Variants in ROGDI observed in about 807,000 individuals in gnomAD.
The protein encoded by ROGDI is protein rogdi homolog.
Under a neutral mutation model 43.1 loss-of-function variants are expected in ROGDI, and 46 were observed. That is an observed-to-expected ratio of 1.07 (90% confidence interval 0.84 to 1.37). ROGDI has a LOEUF of 1.37. Among genes scored for constraint, ROGDI ranks in the 40% most tolerant of loss-of-function variants. The probability of loss-of-function intolerance (pLI) is 0.00; values close to 1 mark genes in which losing one functional copy is unlikely to be tolerated. For missense variants in ROGDI, 518 were observed against 383.9 expected (o/e 1.35, Z -2.92); for synonymous variants, 243 against 162.0 (o/e 1.50, Z -3.80).
chr16:4,797,320 A>C lies in ROGDI; in HGVS notation c.*140T>G. The C allele has an allele frequency of 2.8e-6, 2 of 726,874 alleles. No homozygotes were observed. Among genetic ancestry groups the C allele is most frequent in the South Asian group, 1.9e-5 (1 of 52,730 alleles). The allele number at this position is 726,874 out of a possible 1,614,324, so 45.0% of individuals were successfully genotyped here. A position where few individuals can be genotyped will look rare whatever the true frequency, so the allele number is the denominator to read the frequency against. ...GGCACTTCCAGTGTCCATTCCCGGC[A>C]GTGCAAATGTGTTAGGTGGGGTAGG... On this transcript the variant is annotated 3_prime_UTR_variant, in exon 11 of 11. Coordinates refer to ENST00000322048, the MANE Select transcript of ROGDI (RefSeq NM_024589.3).
rs1022157711 is a variant in ROGDI, at chr16:4,802,568, C to T, written c.4G>A (p.Ala2Thr). The change falls in exon 1 of 11, where the codon GCC becomes ACC. Residue 2 changes from alanine to threonine, a missense_variant. Transcript: ENST00000322048. ...GCCGCCGTCGCTGCCATCACGGTGG[C>T]CATGGCCGCAGGCCGCCGCCGAGCG... M[A>T]TVMAATAAER... 7.7e-6 allele frequency: 10 copies of T among 1,304,168 alleles called. No individual in the cohort carries two copies. In the Admixed American group the frequency reaches 1.5e-4, roughly 19 times the overall value. 80.8% of individuals were successfully genotyped at this position (1,304,168 alleles called of 1,614,324 possible).
Position 4,798,623 on chromosome 16 carries a change from C to T in ROGDI, c.477G>A (p.Arg159=), listed in dbSNP as rs750755010. The stretch of plus-strand genomic sequence containing the variant: ...GGGTGAGGGTGGCGGGGGTGGTGAG[C>T]CGGTTTCGGGCTCTGGTCAGCTGCA... ...VMLQLTRARN[R]LTTPATLTLP... is the part of the protein sequence containing the mutation. Residue 159 remains arginine (R), a synonymous_variant, in exon 7 of 11, where the codon CGG becomes CGA. Coordinates refer to ENST00000322048, the MANE Select transcript of ROGDI (RefSeq NM_024589.3). The T allele has an allele frequency of 1.9e-6, 3 of 1,573,940 alleles. No individual in the cohort carries two copies. The highest frequency in any genetic ancestry group is 2.6e-6 in the Non-Finnish European group (3 of 1,164,352).
chr16:4,801,540 GC>G lies in ROGDI; in HGVS notation c.162del (p.Ala56ProfsTer8). On this transcript the variant is annotated frameshift_variant, in exon 3 of 11. Transcript: ENST00000322048. LOFTEE classifies it high-confidence loss of function. ...RFTLPGSGTE[G>X]PAKQENFILG... ...AGGATGAAGTTCTCTTGCTTGGCGG[GC>G]CCCTCAGTGCCGGAGCCCGGCAGAG... 1 of 1,606,676 alleles carries G rather than the reference GC, an allele frequency of 6.2e-7. No homozygotes were observed. The highest frequency in any genetic ancestry group is 8.5e-7 in the Non-Finnish European group (1 of 1,176,836).
chr16:4,802,493 C>T (rs1212453911), intron 1 of ROGDI, 34 bp downstream of exon 1: 1 of 1,209,942 alleles, frequency 8.3e-7, no homozygotes, highest in Non-Finnish European at 1.0e-6. Context: ...GCCCCGCCGC[C>T]CCGCCGGCCC....
In ROGDI at chr16:4,797,406, G is replaced by C. The variant is rs76593206; in HGVS notation, c.*54C>G. Reference sequence around the variant, plus strand: ...GGCACTGGCTGGTGCTCTGTGGTGGGTATGAGTAGGGGACGGGGCCGCCTT... The same window carrying C: ...GGCACTGGCTGGTGCTCTGTGGTGGCTATGAGTAGGGGACGGGGCCGCCTT... On this transcript the variant is annotated 3_prime_UTR_variant, in exon 11 of 11. Transcript: ENST00000322048. 1.3e-4 allele frequency: 203 copies of C among 1,550,750 alleles called. 1 individual carries two copies. In the East Asian group the frequency reaches 4.5e-3, roughly 34 times the overall value.
chr16:4,798,862 A>C (rs2082686254), intron 6 of ROGDI, 195 bp from the exon 7 acceptor site: 1 of 583,256 alleles, frequency 1.7e-6, no homozygotes, highest in South Asian at 2.2e-5. Flanking sequence ...TGTCTGCACT[A>C]ATGTCAGTCG....
intron 2 of ROGDI, chr16:4,802,149 G>A (rs767372123): frequency 1.2e-5 from 8 of 655,772 alleles, no homozygotes; most frequent in African/African-American, 9.0e-5. Flanking sequence ...CCCGACCCGA[G>A]GCCGGGCGGG....
chr16:4,801,274 C>T lies in ROGDI; in HGVS notation c.248G>A (p.Ser83Asn). The T allele has an allele frequency of 1.9e-6, 3 of 1,606,974 alleles. No homozygotes were observed. Among genetic ancestry groups the T allele is most frequent in the Non-Finnish European group, 1.7e-6 (2 of 1,175,354 alleles). The change falls in exon 4 of 11, where the codon AGC becomes AAC. Residue 83 changes from serine (S) to asparagine (N), a missense_variant. Transcript: ENST00000322048. The part of the protein sequence containing the change: ...GVLTLQGDAL[S>N]QADVNLKMPR... ...CAGGGCCGGGGGACTCACCGCCTGG[C>T]TGAGGGCATCCCCCTGCAGAGTCAG...
chr16:4,802,188 G>C (rs539721324), intron 2 of ROGDI, 194 bp downstream of exon 2: 4 of 657,786 alleles, frequency 6.1e-6, no homozygotes, highest in Non-Finnish European at 1.1e-5. Flanking sequence ...ACCCTCGTCG[G>C]GACCCGCCCC....
intron 5 of ROGDI, among the ~76,000 whole-genome samples, chr16:4,800,156 T>G (rs1596276904): frequency 6.6e-6 from 1 of 151,980 alleles, no homozygotes; most frequent in Non-Finnish European, 1.5e-5. Flanking sequence ...CCAGGGAGCA[T>G]GGGCCTCATC....
intron 2 of ROGDI, chr16:4,801,824 T>A: frequency 1.7e-6 from 1 of 595,442 alleles, no homozygotes. Context: ...CCTCGGGGAA[T>A]ACAAAACAGA....
intron 5 of ROGDI, 73 bp downstream of exon 5, chr16:4,800,425 C>G: frequency 8.0e-7 from 1 of 1,256,720 alleles, no homozygotes; most frequent in Non-Finnish European, 1.1e-6. Context: ...AGTCCCTCTC[C>G]AGGGAGGCCC....
intron 5 of ROGDI, 44 bp from the exon 6 acceptor site, chr16:4,799,825 C>A (rs777828308): frequency 4.2e-6 from 6 of 1,417,282 alleles, no homozygotes; most frequent in African/African-American, 1.4e-5. Context: ...AGCTTCCATG[C>A]GGCCAGGAGG....
Position 4,802,582 on chromosome 16 carries a change from C to A in ROGDI, c.-11G>T. On this transcript the variant is annotated 5_prime_UTR_variant, in exon 1 of 11. Coordinates refer to ENST00000322048, the MANE Select transcript of ROGDI (RefSeq NM_024589.3). ...CATCACGGTGGCCATGGCCGCAGGC[C>A]GCCGCCGAGCGCCCTCCCCACCGGC... The A allele has an allele frequency of 7.6e-7, 1 of 1,309,204 alleles. No individual in the cohort carries two copies. Among genetic ancestry groups the A allele is most frequent in the East Asian group, 3.2e-5 (1 of 31,558 alleles). The allele number at this position is 1,309,204 out of a possible 1,614,324, so 81.1% of individuals were successfully genotyped here.
chr16:4,802,018 T>C (rs2141914083), intron 2 of ROGDI: 3 of 576,076 alleles, frequency 5.2e-6, no homozygotes, highest in South Asian at 4.6e-5. Context: ...TTATCTCCCT[T>C]TTGCCAATGA....
Position 4,797,520 on chromosome 16 carries a change from C to T in ROGDI, c.823-19G>A, listed in dbSNP as rs2141904627. ...CGGAGATCTGCAAGGGGAGAGGGTG[C>T]TGTAGGTTGCTGAAGGGGGATGGGG... is the stretch of plus-strand genomic sequence containing the variant. On this transcript the variant is annotated intron_variant, in intron 10 of 10. Transcript: ENST00000322048. The T allele has an allele frequency of 6.2e-7, 1 of 1,610,236 alleles. No individual in the cohort carries two copies. Among genetic ancestry groups the T allele is most frequent in the Non-Finnish European group, 8.5e-7 (1 of 1,177,622 alleles).
intron 6 of ROGDI, among the ~76,000 whole-genome samples, chr16:4,799,234 G>T (rs1450656553): frequency 6.6e-6 from 1 of 152,064 alleles, no homozygotes; most frequent in East Asian, 1.9e-4. Context: ...AGCTGACTGG[G>T]GGTATAGGGC....
intron 6 of ROGDI, among the ~76,000 whole-genome samples, chr16:4,799,188 G>C (rs1045597397): frequency 7.9e-5 from 12 of 152,148 alleles, no homozygotes; most frequent in African/African-American, 2.7e-4. Context: ...GTGGCCATGA[G>C]TACCAGGGTG....
chr16:4,802,359 CG>C, intron 2 of ROGDI, 22 bp downstream of exon 2: 1 of 1,550,916 alleles, frequency 6.4e-7, no homozygotes, highest in Non-Finnish European at 8.7e-7. Flanking sequence ...CCACGCCCGG[CG>C]GGGCAGGGCG....
Sources: allele counts gnomAD v4.1 joint callset (sites outside exome capture counted in the v4.1 genomes callset), GRCh38; gene constraint gnomAD v4.1.1; transcripts MANE v1.5; gene names NCBI Gene and HGNC (gene_info 2026-07-23, HGNC 2026-07-21).